The following CYP51A1 variants were observed in gnomAD, a reference collection of about 807,000 sequenced individuals.
CYP51A1 encodes cytochrome P450 family 51 subfamily A member 1, also known as lanosterol 14-alpha demethylase.
In CYP51A1, 45 loss-of-function variants were observed where a neutral mutation model predicts 53.5. The ratio of observed to expected loss-of-function variants is 0.84; its 90% CI spans 0.66 to 1.08. The LOEUF (loss-of-function observed/expected upper bound fraction) is 1.08. Among genes scored for constraint, CYP51A1 ranks in the 50% least tolerant of loss-of-function variants. CYP51A1 has a pLI of 0.00. For missense variants in CYP51A1, 462 were observed against 621.7 expected (o/e 0.74, Z 2.73); for synonymous variants, 181 against 217.7 (o/e 0.83, Z 1.48).
chr7:92,123,710 A>G (rs1365568655), intron 6 of CYP51A1, 24 bp downstream of exon 6: 2 of 1,577,200 alleles, frequency 1.3e-6, no homozygotes, highest in African/African-American at 1.4e-5. Context: ...CTTCAGCTTA[A>G]TATGTTATCT....
chr7:92,124,764 A>C (rs1478234511), intron 5 of CYP51A1, among the ~76,000 whole-genome samples: 1 of 152,228 alleles, frequency 6.6e-6, no homozygotes, highest in Non-Finnish European at 1.5e-5. Context: ...GAAGAAAGAA[A>C]GACTGGGCCA....
At position 92,131,213 on chromosome 7, in the gene CYP51A1, G is replaced by A. The variant is rs77946543; in HGVS notation, c.291+561C>T. Among the ~76,000 whole-genome samples, 6 of 152,140 alleles carry A rather than the reference G, an allele frequency of 3.9e-5. No individual in the cohort carries two copies. The South Asian group carries it at 8.3e-4, about 21-fold the overall frequency. ...GAGTTGCACAAGCAAACCAGGAGAC[G>A]GTATGGTCTACGAATAGGATATCTA... On this transcript the variant is annotated intron_variant, in intron 2 of 9. Coordinates refer to ENST00000003100, the MANE Select transcript of CYP51A1 (RefSeq NM_000786.4).
chr7:92,132,014 G>T, intron 1 of CYP51A1, 142 bp from the exon 2 acceptor site: 2 of 558,766 alleles, frequency 3.6e-6, no homozygotes, highest in East Asian at 3.4e-5. Flanking sequence ...AGCATCAGAA[G>T]TAACTTGAGA....
At position 92,128,899 on chromosome 7, in the gene CYP51A1, G is replaced by C. The variant is rs1819863457; in HGVS notation, c.449C>G (p.Ala150Gly). The change falls in exon 3 of 10, where the codon GCA becomes GGA. Residue 150 changes from alanine to glycine, a missense_variant. Transcript: ENST00000003100. ...LTTPVFGKGVAYDVPNPVFLE... is the reference protein window; with the variant it reads ...LTTPVFGKGVGYDVPNPVFLE... ...ACCTACTGGATTAGGCACATCGTATGCAACTCCCTTCCCAAACACAGGTGT... is the reference window on the plus strand; with the variant it reads ...ACCTACTGGATTAGGCACATCGTATCCAACTCCCTTCCCAAACACAGGTGT... 6.2e-7 allele frequency: 1 copy of C among 1,611,608 alleles called. No homozygotes were observed. The highest frequency in any genetic ancestry group is 1.3e-5 in the African/African-American group (1 of 74,832).
chr7:92,115,181 G>T (rs1005320642), intron 9 of CYP51A1, among the ~76,000 whole-genome samples: 1 of 152,146 alleles, frequency 6.6e-6, no homozygotes, highest in African/African-American at 2.4e-5. Flanking sequence ...CGAGGTAAAA[G>T]AATGAGTAAA....
chr7:92,133,278 G>T (rs139348060), intron 1 of CYP51A1, among the ~76,000 whole-genome samples: 1 of 146,914 alleles, frequency 6.8e-6, no homozygotes, highest in Non-Finnish European at 1.5e-5. Flanking sequence ...TTTTTGAGAC[G>T]GAGTCTCATT....
chr7:92,129,169 A>G, intron 2 of CYP51A1, 113 bp from the exon 3 acceptor site: 2 of 594,150 alleles, frequency 3.4e-6, no homozygotes, highest in South Asian at 6.7e-5. Context: ...ACATATATAA[A>G]CCTTAAAGCA....
intron 3 of CYP51A1, among the ~76,000 whole-genome samples, chr7:92,128,457 C>CGTGTGTGTGT (rs1443827496): frequency 7.4e-6 from 1 of 135,356 alleles, no homozygotes; most frequent in African/African-American, 2.8e-5. Context: ...TGTGTGTGTG[C>CGTGTGTGTGT]GCGTGCGTGT....
At chr7:92,121,787 A>C (rs894414397) in intron 7 of CYP51A1, among the ~76,000 whole-genome samples, 5 of 152,208 alleles carry the variant, frequency 3.3e-5, no homozygotes, top group South Asian at 4.1e-4. Context: ...AGGCAAAAGG[A>C]GATTAATGGT....
chr7:92,120,451 TA>T (rs1429225303), intron 7 of CYP51A1, among the ~76,000 whole-genome samples: 1 of 152,230 alleles, frequency 6.6e-6, no homozygotes, highest in African/African-American at 2.4e-5. Context: ...AGAGGCTTTT[TA>T]AAATGTATTT....
At chr7:92,131,977 C>T in intron 1 of CYP51A1, 105 bp from the exon 2 acceptor site, 1 of 520,468 alleles carries the variant, frequency 1.9e-6, no homozygotes, top group Non-Finnish European at 3.2e-6. Flanking sequence ...ATTAAGACTT[C>T]AAAAAAAAGT....
intron 7 of CYP51A1, among the ~76,000 whole-genome samples, chr7:92,119,754 G>A (rs1490219538): frequency 6.6e-6 from 1 of 151,976 alleles, no homozygotes; most frequent in Non-Finnish European, 1.5e-5. Context: ...CCAGTACATA[G>A]AAAAAGCAAG....
At chr7:92,130,997 T>C (rs1477523333) in intron 2 of CYP51A1, among the ~76,000 whole-genome samples, 1 of 152,180 alleles carries the variant, frequency 6.6e-6, no homozygotes, top group Non-Finnish European at 1.5e-5. Context: ...GGGTGACTTC[T>C]GCCAGCTGAA....
intron 2 of CYP51A1, 147 bp downstream of exon 2, chr7:92,131,627 C>T: frequency 3.7e-6 from 2 of 534,106 alleles, no homozygotes; most frequent in Non-Finnish European, 6.8e-6. Context: ...ATCTCTTAAA[C>T]CAGAGCAGTT....
chr7:92,118,128 A>G (rs1347106497), intron 8 of CYP51A1, among the ~76,000 whole-genome samples: 1 of 151,910 alleles, frequency 6.6e-6, no homozygotes, highest in Non-Finnish European at 1.5e-5. Flanking sequence ...ATGCTACTCT[A>G]CTTCCTCTTT....
chr7:92,113,698 G>T lies in CYP51A1; in HGVS notation c.1497C>A (p.Asn499Lys). The T allele has an allele frequency of 6.2e-7, 1 of 1,611,794 alleles. No homozygotes were observed. Among genetic ancestry groups the T allele is most frequent in the Non-Finnish European group, 8.5e-7 (1 of 1,179,556 alleles). The change falls in exon 10 of 10, where the codon AAC becomes AAA. Residue 499 changes from asparagine to lysine, a missense_variant. Transcript: ENST00000003100. ...ATCTTCGTTTGTAACGGATAACTGG[G>T]TTTTCAGGGGTGTGAATCATAGTTG... ...NYTTMIHTPE[N>K]PVIRYKRRSK
chr7:92,125,099 A>G (rs947384829), intron 5 of CYP51A1, among the ~76,000 whole-genome samples: 4 of 147,970 alleles, frequency 2.7e-5, no homozygotes, highest in African/African-American at 1.0e-4. Context: ...AGCCGAGCTC[A>G]TGCCACTGCA....
intron 9 of CYP51A1, among the ~76,000 whole-genome samples, chr7:92,115,142 T>C (rs906199602): frequency 2.0e-5 from 3 of 152,188 alleles, no homozygotes; most frequent in Non-Finnish European, 4.4e-5. Context: ...ATGAACTATA[T>C]GCACCAACAT....
At chr7:92,124,971 A>G (rs35074397) in intron 5 of CYP51A1, among the ~76,000 whole-genome samples, 36,103 of 151,864 alleles carry the variant, frequency 0.24, 5,148 homozygotes, top group Non-Finnish European at 0.33. Flanking sequence ...GTGAAACCCC[A>G]TCTCTACTAA....
Sources: gnomAD v4.1 joint callset for allele counts (sites outside exome capture counted in the v4.1 genomes callset) on GRCh38, gnomAD v4.1.1 for gene constraint, MANE v1.5 for transcripts, NCBI Gene and HGNC (gene_info 2026-07-23, HGNC 2026-07-21) for gene names.